TMOD1: variants seen among roughly 807,000 people sequenced by gnomAD.
TMOD1 encodes tropomodulin 1.
Under a neutral mutation model 40.6 loss-of-function variants are expected in TMOD1, and 17 were observed. The ratio of observed to expected loss-of-function variants is 0.42; its 90% CI spans 0.29 to 0.63. The LOEUF (loss-of-function observed/expected upper bound fraction) is 0.63. TMOD1 is among the 20% of genes least tolerant of loss of function. The pLI, the probability that TMOD1 is intolerant of heterozygous loss-of-function variation, is 0.22. For synonymous variants in TMOD1, 181 were observed against 175.0 expected, an observed-to-expected ratio of 1.03 and a Z score of -0.27; for missense variants, 391 against 447.6, an observed-to-expected ratio of 0.87 and a Z score of 1.14.
rs1826211536 is a variant in TMOD1, at chr9:97,599,744, G to GAT, written c.*47_*48dup. ...GCCTTTGAACTGGATGTGTTCTATT[G>GAT]ATGACCTGTGCTCTGCAGGGGAAAC... is the stretch of plus-strand genomic sequence containing the variant. On this transcript the variant is annotated 3_prime_UTR_variant, in exon 10 of 10. Transcript: ENST00000259365. 6.2e-7 allele frequency: 1 copy of GAT among 1,613,460 alleles called. No individual in the cohort carries two copies. Among genetic ancestry groups the GAT allele is most frequent in the Non-Finnish European group, 8.5e-7 (1 of 1,179,922 alleles).
chr9:97,534,927 T>C (rs1424023947), intron 2 of TMOD1, among the ~76,000 whole-genome samples: 1 of 152,046 alleles, frequency 6.6e-6, no homozygotes, highest in African/African-American at 2.4e-5. Context: ...GTGACAGAAT[T>C]CCAGGTGGAA....
intron 1 of TMOD1, among the ~76,000 whole-genome samples, chr9:97,506,293 A>G (rs902806150): frequency 1.3e-5 from 2 of 152,214 alleles, no homozygotes; most frequent in Non-Finnish European, 2.9e-5. Flanking sequence ...GTCTCTGGCT[A>G]GACTAAAAGC....
At chr9:97,569,349 C>T (rs149209580) in intron 8 of TMOD1, among the ~76,000 whole-genome samples, 1 of 152,300 alleles carries the variant, frequency 6.6e-6, no homozygotes, top group African/African-American at 2.4e-5. Context: ...GAAGTCAGCT[C>T]CCCGTAAGTC....
intron 2 of TMOD1, among the ~76,000 whole-genome samples, chr9:97,545,650 G>A (rs185507909): frequency 1.6e-4 from 25 of 152,268 alleles, no homozygotes; most frequent in African/African-American, 5.1e-4. Context: ...TGCTCACCTC[G>A]CTGCTTTCCT....
intron 9 of TMOD1, among the ~76,000 whole-genome samples, chr9:97,594,603 T>G (rs1325493173): frequency 1.3e-5 from 2 of 152,136 alleles, no homozygotes; most frequent in Admixed American, 1.3e-4. Flanking sequence ...GGCTCCTCCT[T>G]GGGGGACATT....
intron 4 of TMOD1, among the ~76,000 whole-genome samples, chr9:97,559,710 A>G (rs1250826639): frequency 9.5e-5 from 14 of 147,168 alleles, no homozygotes; most frequent in Admixed American, 2.8e-4. Flanking sequence ...GGTTGCAGCG[A>G]GCCAAGATCA....
chr9:97,531,560 A>G (rs1016626178), intron 2 of TMOD1, among the ~76,000 whole-genome samples: 2 of 152,118 alleles, frequency 1.3e-5, no homozygotes, highest in African/African-American at 4.8e-5. Flanking sequence ...GCAGTGAGCC[A>G]AGATCATGCC....
intron 2 of TMOD1, among the ~76,000 whole-genome samples, chr9:97,539,202 T>C (rs963609539): frequency 2.6e-5 from 4 of 152,206 alleles, no homozygotes; most frequent in African/African-American, 9.7e-5. Flanking sequence ...ATTTAGCAGA[T>C]GTTTATTGAA....
intron 1 of TMOD1, among the ~76,000 whole-genome samples, chr9:97,515,919 T>C (rs1203382321): frequency 6.6e-6 from 1 of 152,186 alleles, no homozygotes; most frequent in Non-Finnish European, 1.5e-5. Context: ...GTTATATTTT[T>C]ATGCGCTGCA....
At chr9:97,514,097 T>C (rs1296056153) in intron 1 of TMOD1, among the ~76,000 whole-genome samples, 1 of 152,016 alleles carries the variant, frequency 6.6e-6, no homozygotes, top group African/African-American at 2.4e-5. Flanking sequence ...AGTCTCACTC[T>C]GTTGTCCAGG....
At chr9:97,574,153 T>C (rs941229000) in intron 8 of TMOD1, among the ~76,000 whole-genome samples, 40 of 152,196 alleles carry the variant, frequency 2.6e-4, no homozygotes, top group African/African-American at 9.1e-4. Flanking sequence ...CGCTGCACTG[T>C]GGGAGCCCCT....
chr9:97,502,338 TG>T lies in TMOD1; in HGVS notation c.-49+539del, dbSNP rs1487670475. 6.6e-6 allele frequency among the ~76,000 whole-genome samples: 1 copy of T among 152,114 alleles called. No individual in the cohort carries two copies. Among genetic ancestry groups the T allele is most frequent in the Non-Finnish European group, 1.5e-5 (1 of 68,016 alleles). On this transcript the variant is annotated intron_variant, in intron 1 of 9. Transcript: ENST00000259365. This position sits in a 1 kb window ranked among gnomAD's most constrained non-coding sequence, Gnocchi z 6.1. The stretch of plus-strand genomic sequence containing the variant: ...ATCCCAGGTTCGCGCTGAGAGTGTT[TG>T]GGGCAGGTGAAGTTTCCCAAACTGG...
chr9:97,539,781 A>G (rs968880200), intron 2 of TMOD1, among the ~76,000 whole-genome samples: 1 of 152,100 alleles, frequency 6.6e-6, no homozygotes, highest in African/African-American at 2.4e-5. Flanking sequence ...CCTGGCTAAC[A>G]TGGTGAAACC....
At chr9:97,526,129 C>A (rs531398962) in intron 2 of TMOD1, among the ~76,000 whole-genome samples, 1 of 152,328 alleles carries the variant, frequency 6.6e-6, no homozygotes, top group South Asian at 2.1e-4. Flanking sequence ...GTAACTGAGT[C>A]TTCAAAAGGC....
Position 97,601,018 on chromosome 9 carries a change from G to C in TMOD1, c.*1320G>C. The C allele has an allele frequency of 7.7e-7, 1 of 1,292,216 alleles. No homozygotes were observed. Among genetic ancestry groups the C allele is most frequent in the South Asian group, 1.3e-5 (1 of 79,544 alleles). 80.0% of individuals were successfully genotyped at this position (1,292,216 alleles called of 1,614,324 possible). ...AGCACTGAGCAGAGAGGCTGGTGAT[G>C]AAAAGGTGAAGGCCTGCGCACTGAA... On this transcript the variant is annotated 3_prime_UTR_variant, in exon 10 of 10. Coordinates refer to ENST00000259365, the MANE Select transcript of TMOD1 (RefSeq NM_003275.4).
intron 3 of TMOD1, among the ~76,000 whole-genome samples, chr9:97,551,117 G>C (rs556956000): frequency 6.7e-6 from 1 of 148,834 alleles, no homozygotes; most frequent in African/African-American, 2.5e-5. Flanking sequence ...TCCACCTCCC[G>C]GGTTCAAGTG....
intron 9 of TMOD1, among the ~76,000 whole-genome samples, chr9:97,595,490 T>A (rs1467175057): frequency 6.6e-6 from 1 of 152,070 alleles, no homozygotes. Context: ...CTTAGTATAA[T>A]GTTCTCCAAT....
At chr9:97,554,208 C>T (rs746379377) in intron 4 of TMOD1, among the ~76,000 whole-genome samples, 31 of 151,732 alleles carry the variant, frequency 2.0e-4, no homozygotes, top group Admixed American at 5.9e-4. Context: ...GGGAAAGGCT[C>T]GAGGCAGGTG....
At chr9:97,528,755 G>C (rs1378501009) in intron 2 of TMOD1, among the ~76,000 whole-genome samples, 1 of 152,200 alleles carries the variant, frequency 6.6e-6, no homozygotes, top group Non-Finnish European at 1.5e-5. Context: ...GCAGAGCCCA[G>C]AGAGGGGAAA....
Sources: gnomAD v4.1 joint callset for allele counts (sites outside exome capture counted in the v4.1 genomes callset) on GRCh38, gnomAD v4.1.1 for gene constraint, Gnocchi (gnomAD v3.1) non-coding constraint, MANE v1.5 for transcripts, NCBI Gene and HGNC (gene_info 2026-07-23, HGNC 2026-07-21) for gene names.